Variants in CHD6 observed in about 807,000 individuals in gnomAD.
The protein encoded by CHD6 is ATP-dependent chromatin remodeler CHD6.
A neutral mutation model predicts 276.9 loss-of-function variants in CHD6; 50 were observed. The ratio of observed to expected loss-of-function variants is 0.18; its 90% CI spans 0.14 to 0.23. The LOEUF is 0.23. CHD6 is among the 10% of genes least tolerant of loss of function. The pLI is 1.00. For missense variants in CHD6, 2,564 were observed against 3,365.8 expected (o/e 0.76, Z 5.89); for synonymous variants, 1,173 against 1,229.3 (o/e 0.95, Z 0.96).
chr20:41,409,020 C>A (rs79928874), intron 36 of CHD6, among the ~76,000 whole-genome samples: 3,025 of 152,362 alleles, frequency 0.02, 47 homozygotes, highest in South Asian at 0.031. Context: ...TGAGTGCAGA[C>A]ACAATGGTGG....
intron 20 of CHD6, 125 bp downstream of exon 20, chr20:41,454,501 C>A (rs564342848): frequency 3.0e-6 from 2 of 670,804 alleles, no homozygotes; most frequent in South Asian, 4.2e-5. Context: ...ATATTTTAAG[C>A]ATGGTACAAA....
chr20:41,556,121 G>C (rs1033826325), intron 1 of CHD6, among the ~76,000 whole-genome samples: 2 of 152,144 alleles, frequency 1.3e-5, no homozygotes, highest in African/African-American at 4.8e-5. Context: ...GCGTGGCGGC[G>C]CGCACCTGCA....
At chr20:41,438,565 G>A (rs1008853199) in intron 26 of CHD6, among the ~76,000 whole-genome samples, 1 of 152,044 alleles carries the variant, frequency 6.6e-6, no homozygotes, top group African/African-American at 2.4e-5. Context: ...ACTCCAGCCC[G>A]GGTGAAAGAG....
chr20:41,502,251 G>A (rs993245280), intron 5 of CHD6, among the ~76,000 whole-genome samples: 1 of 152,018 alleles, frequency 6.6e-6, no homozygotes, highest in Admixed American at 6.6e-5. Flanking sequence ...CATTAAAAAA[G>A]TAAAACAGGT....
At chr20:41,423,411 A>G in intron 30 of CHD6, 81 bp downstream of exon 30, 1 of 1,346,532 alleles carries the variant, frequency 7.4e-7, no homozygotes, top group South Asian at 1.2e-5. Context: ...TTTTATAGGT[A>G]TACCTAAAGT....
At chr20:41,581,341 C>T (rs761832925) in intron 1 of CHD6, among the ~76,000 whole-genome samples, 5 of 152,160 alleles carry the variant, frequency 3.3e-5, no homozygotes, top group Non-Finnish European at 7.4e-5. Context: ...GCTGAGTCCA[C>T]ATTCTTAGCT....
intron 3 of CHD6, among the ~76,000 whole-genome samples, chr20:41,528,648 C>T (rs1271906939): frequency 1.3e-5 from 2 of 151,770 alleles, no homozygotes; most frequent in Non-Finnish European, 2.9e-5. Flanking sequence ...TGGGGAGACC[C>T]CATCTCTAAA....
At chr20:41,613,652 A>T (rs2045909363) in intron 1 of CHD6, among the ~76,000 whole-genome samples, 1 of 152,266 alleles carries the variant, frequency 6.6e-6, no homozygotes, top group Admixed American at 6.5e-5. Flanking sequence ...AGAAGTCAGC[A>T]TCCAGGCAGA....
At chr20:41,475,122 T>C (rs1026974682) in intron 16 of CHD6, among the ~76,000 whole-genome samples, 3 of 152,216 alleles carry the variant, frequency 2.0e-5, no homozygotes, top group Non-Finnish European at 4.4e-5. Flanking sequence ...CCATTATTCC[T>C]AACAACCACA....
At chr20:41,573,021 T>C (rs1367085870) in intron 1 of CHD6, among the ~76,000 whole-genome samples, 2 of 152,098 alleles carry the variant, frequency 1.3e-5, no homozygotes, top group Non-Finnish European at 2.9e-5. Flanking sequence ...GTCATTCTCC[T>C]GCCTCAGCCT....
intron 1 of CHD6, among the ~76,000 whole-genome samples, chr20:41,566,960 A>G: frequency 6.6e-6 from 1 of 152,174 alleles, no homozygotes; most frequent in African/African-American, 2.4e-5. Flanking sequence ...GACCAAGGAC[A>G]CCTGGTTAGT....
At chr20:41,466,037 T>C (rs1600928831) in intron 17 of CHD6, among the ~76,000 whole-genome samples, 2 of 152,164 alleles carry the variant, frequency 1.3e-5, no homozygotes, top group East Asian at 3.9e-4. Context: ...ACCCTGTCTC[T>C]ACTAAAAATA....
At chr20:41,539,023 G>A (rs894999389) in intron 2 of CHD6, among the ~76,000 whole-genome samples, 12 of 152,108 alleles carry the variant, frequency 7.9e-5, no homozygotes, top group Admixed American at 1.3e-4. Context: ...CAGATACGCC[G>A]CAGTGACTCC....
At chr20:41,484,159 T>G (rs546433081) in intron 15 of CHD6, among the ~76,000 whole-genome samples, 193 bp downstream of exon 15, 1 of 152,368 alleles carries the variant, frequency 6.6e-6, no homozygotes, top group South Asian at 2.1e-4. Flanking sequence ...CCTTGGCTCT[T>G]GGTCCTTAGT....
chr20:41,564,295 C>T (rs2045332647), intron 1 of CHD6: 1 of 575,006 alleles, frequency 1.7e-6, no homozygotes, highest in African/African-American at 1.9e-5. Context: ...ACAAAAAACT[C>T]ACAACTCCCA....
intron 3 of CHD6, among the ~76,000 whole-genome samples, chr20:41,529,357 T>C (rs1411341657): frequency 8.5e-5 from 13 of 152,134 alleles, no homozygotes; most frequent in Admixed American, 8.5e-4. Context: ...ACGGGAAAAG[T>C]AGCCTGTTTT....
At chr20:41,425,800 CAAAAA>C (rs926378086) in intron 28 of CHD6, among the ~76,000 whole-genome samples, 1 of 149,138 alleles carries the variant, frequency 6.7e-6, no homozygotes, top group Non-Finnish European at 1.5e-5. Flanking sequence ...AAAAAAAAAA[CAAAAA>C]AAACAAAAAA....
chr20:41,616,387 T>C (rs2045934796), intron 1 of CHD6, among the ~76,000 whole-genome samples: 1 of 152,214 alleles, frequency 6.6e-6, no homozygotes, highest in South Asian at 2.1e-4. Context: ...CCAGGAAGAC[T>C]GTGATACCAC....
At chr20:41,419,140 G>C (rs2047098161) in intron 31 of CHD6, among the ~76,000 whole-genome samples, 2 of 152,114 alleles carry the variant, frequency 1.3e-5, no homozygotes, top group Non-Finnish European at 2.9e-5. Context: ...TTCTGGGTTG[G>C]CTGGGGTTAC....
Sources: gnomAD v4.1 joint callset for allele counts (sites outside exome capture counted in the v4.1 genomes callset) on GRCh38, gnomAD v4.1.1 for gene constraint, MANE v1.5 for transcripts, NCBI Gene and HGNC (gene_info 2026-07-23, HGNC 2026-07-21) for gene names.